LOXHD1: variants seen among roughly 807,000 people sequenced by gnomAD.
The protein encoded by LOXHD1 is lipoxygenase homology domain-containing protein 1.
A neutral mutation model predicts 248.2 loss-of-function variants in LOXHD1; 205 were observed. The ratio of observed to expected loss-of-function variants is 0.83; its 90% CI spans 0.74 to 0.93. LOXHD1 has a LOEUF of 0.93. Ranked by LOEUF, LOXHD1 falls within the 40% of genes least tolerant of loss-of-function variation. The probability of loss-of-function intolerance (pLI) is 0.00; values close to 1 mark genes in which losing one functional copy is unlikely to be tolerated. For missense variants in LOXHD1, 2,930 were observed against 2,971.6 expected (o/e 0.99, Z 0.33); for synonymous variants, 1,113 against 1,162.8 (o/e 0.96, Z 0.87).
chr18:46,614,305 A>G (rs897906425), intron 5 of LOXHD1, among the ~76,000 whole-genome samples: 16 of 152,210 alleles, frequency 1.1e-4, no homozygotes, highest in African/African-American at 3.9e-4. Flanking sequence ...AATAGCAAAG[A>G]CTTGGAAACA....
chr18:46,572,259 C>T, intron 14 of LOXHD1, 97 bp from the exon 15 acceptor site: 1 of 1,088,860 alleles, frequency 9.2e-7, no homozygotes, highest in Non-Finnish European at 1.4e-6. Context: ...AGGCCCAGAG[C>T]TTTGACTTTA....
intron 6 of LOXHD1, among the ~76,000 whole-genome samples, chr18:46,607,617 A>G (rs2038438042): frequency 6.6e-6 from 1 of 151,952 alleles, no homozygotes. Context: ...TAAATGTTTT[A>G]TGATGAACAT....
intron 4 of LOXHD1, among the ~76,000 whole-genome samples, chr18:46,631,615 G>A (rs970282849): frequency 6.6e-6 from 1 of 152,182 alleles, no homozygotes; most frequent in Non-Finnish European, 1.5e-5. Context: ...AGTGAGGGGC[G>A]AGGGGCCTTG....
chr18:46,639,632 G>A lies in LOXHD1; in HGVS notation c.495C>T (p.Pro165=), dbSNP rs1362940107. Residue 165 remains proline (P), a synonymous_variant, in exon 4 of 41, where the codon CCC becomes CCT. Transcript: ENST00000642948. ...WCRDLLASFN[P]MDMPRGNKYE... ...GGCACTGACCTCTGGGCATGTCCAT[G>A]GGGTTGAAGCTGGCCAGCAGGTCAC... 6 of 1,551,646 alleles carry A rather than the reference G, an allele frequency of 3.9e-6. No individual in the cohort carries two copies. Among genetic ancestry groups the A allele is most frequent in the Non-Finnish European group, 5.2e-6 (6 of 1,146,938 alleles).
At chr18:46,508,850 T>C (rs558598477) in intron 35 of LOXHD1, among the ~76,000 whole-genome samples, 23 of 152,116 alleles carry the variant, frequency 1.5e-4, no homozygotes, top group African/African-American at 5.5e-4. Context: ...AACATCACAG[T>C]GGTTCTCATC....
chr18:46,545,032 A>G (rs972549100), intron 23 of LOXHD1: 3 of 472,720 alleles, frequency 6.3e-6, no homozygotes, highest in African/African-American at 5.9e-5. Flanking sequence ...TACTGAGAGT[A>G]TCATGGCTGA....
intron 8 of LOXHD1, among the ~76,000 whole-genome samples, chr18:46,598,498 G>A (rs1371667389): frequency 7.7e-6 from 1 of 129,546 alleles, no homozygotes; most frequent in African/African-American, 2.6e-5. Flanking sequence ...AGAACTATAA[G>A]CTTTGAAAAT....
chr18:46,560,048 T>TGCCTGC, intron 19 of LOXHD1, 35 bp downstream of exon 19: 8 of 1,226,298 alleles, frequency 6.5e-6, no homozygotes, highest in African/African-American at 1.6e-5. Flanking sequence ...GTCTGGCCAC[T>TGCCTGC]CCCTCCCCAC....
intron 1 of LOXHD1, among the ~76,000 whole-genome samples, chr18:46,650,445 A>T (rs1311936441): frequency 6.6e-6 from 1 of 152,200 alleles, no homozygotes; most frequent in East Asian, 1.9e-4. Flanking sequence ...AGTAATAAAC[A>T]ACATTGAGTG....
chr18:46,632,666 T>C (rs2038841125), intron 4 of LOXHD1, among the ~76,000 whole-genome samples: 1 of 151,750 alleles, frequency 6.6e-6, no homozygotes. Context: ...GGAGGGAAAA[T>C]TCACTACACT....
chr18:46,497,125 ACTT>A (rs1326259519), intron 37 of LOXHD1, among the ~76,000 whole-genome samples: 1 of 152,212 alleles, frequency 6.6e-6, no homozygotes, highest in African/African-American at 2.4e-5. Context: ...GTGGAGGGCC[ACTT>A]CTTTGCCTAC....
chr18:46,534,521 T>C, intron 26 of LOXHD1, 70 bp from the exon 27 acceptor site: 1 of 1,183,520 alleles, frequency 8.4e-7, no homozygotes, highest in Non-Finnish European at 1.2e-6. Flanking sequence ...GGCAACATCC[T>C]GCTTCCCCAG....
At chr18:46,557,576 G>T in intron 20 of LOXHD1, 87 bp from the exon 21 acceptor site, 1 of 1,495,764 alleles carries the variant, frequency 6.7e-7, no homozygotes, top group Non-Finnish European at 9.1e-7. Flanking sequence ...AACCAGGGCA[G>T]CCAGCCAGAG....
rs553803255 is a variant in LOXHD1 at position 46,534,206 on chromosome 18, G to A, written c.4212+129C>T. 1.7e-5 allele frequency: 11 copies of A among 638,148 alleles called. No homozygotes were observed. The South Asian group carries it at 2.0e-4, about 11-fold the overall frequency. 39.5% of individuals were successfully genotyped at this position (638,148 alleles called of 1,614,324 possible). ...TTTCTGCACTCTGAGTGAACTGGGTGAATTTTCATTATGAGATTTTTATCT... is the reference window on the plus strand; with the variant it reads ...TTTCTGCACTCTGAGTGAACTGGGTAAATTTTCATTATGAGATTTTTATCT... On this transcript the variant is annotated intron_variant, in intron 27 of 40. Coordinates refer to ENST00000642948, the MANE Select transcript of LOXHD1 (RefSeq NM_001384474.1).
At chr18:46,558,145 G>T in intron 20 of LOXHD1, 1 of 848,050 alleles carries the variant, frequency 1.2e-6, no homozygotes, top group Non-Finnish European at 1.4e-6. Context: ...TTCAGAAATA[G>T]TATGATGAAA....
chr18:46,509,452 C>A, intron 35 of LOXHD1: 1 of 520,406 alleles, frequency 1.9e-6, no homozygotes, highest in East Asian at 3.6e-5. Context: ...TCTCTGTCCA[C>A]GTAACGTTGA....
intron 1 of LOXHD1, among the ~76,000 whole-genome samples, chr18:46,654,331 AGC>A (rs1300503648): frequency 1.3e-5 from 2 of 152,252 alleles, no homozygotes; most frequent in Non-Finnish European, 2.9e-5. Context: ...TCCCCAAGGA[AGC>A]TGCCTTGGAA....
chr18:46,580,265 C>T (rs115340319), intron 12 of LOXHD1, among the ~76,000 whole-genome samples: 2,972 of 152,326 alleles, frequency 0.02, 100 homozygotes, highest in African/African-American at 0.068. Context: ...TTCCATCCAT[C>T]CCAGTAAACC....
intron 2 of LOXHD1, 100 bp downstream of exon 2, chr18:46,649,055 A>C (rs1317937544): frequency 1.2e-5 from 11 of 923,218 alleles, no homozygotes; most frequent in Non-Finnish European, 1.7e-5. Flanking sequence ...CTGTGGTCAG[A>C]TGTGCCTTCT....
Sources: allele counts gnomAD v4.1 joint callset (sites outside exome capture counted in the v4.1 genomes callset), GRCh38; gene constraint gnomAD v4.1.1; transcripts MANE v1.5; gene names NCBI Gene and HGNC (gene_info 2026-07-23, HGNC 2026-07-21).